The following GALNT17 variants were observed in gnomAD, a reference collection of about 807,000 sequenced individuals.
The protein encoded by GALNT17 is UDP-GalNAc:polypeptide N-acetylgalactosaminyltransferase-like 3.
GALNT17 carries 29 observed loss-of-function variants against 63.7 expected under a neutral mutation model. That is an observed-to-expected ratio of 0.46 (90% CI 0.34 to 0.62). GALNT17 has a LOEUF of 0.62. Ranked by LOEUF, GALNT17 falls within the 20% of genes least tolerant of loss-of-function variation. The pLI is 0.01. For missense variants in GALNT17, 603 were observed against 799.6 expected (o/e 0.75, Z 2.97); for synonymous variants, 305 against 318.3 (o/e 0.96, Z 0.45).
intron 6 of GALNT17, among the ~76,000 whole-genome samples, chr7:71,641,798 C>T (rs946735822): frequency 4.6e-5 from 7 of 152,114 alleles, no homozygotes; most frequent in Middle Eastern, 6.8e-3. Context: ...TGCAAAGTGT[C>T]CAACACACAG....
At chr7:71,704,488 CTT>C (rs34146294) in intron 9 of GALNT17, among the ~76,000 whole-genome samples, 10 of 141,386 alleles carry the variant, frequency 7.1e-5, no homozygotes, top group Admixed American at 1.4e-4. Flanking sequence ...TGCCAACTGC[CTT>C]TTTTTTTTTT....
intron 3 of GALNT17, among the ~76,000 whole-genome samples, chr7:71,413,395 C>T (rs1197483725): frequency 2.0e-5 from 3 of 151,628 alleles, no homozygotes; most frequent in Non-Finnish European, 2.9e-5. Flanking sequence ...GGCAGAGTTT[C>T]GCCCTTGTTT....
intron 3 of GALNT17, among the ~76,000 whole-genome samples, chr7:71,401,874 G>A (rs1046417521): frequency 6.6e-6 from 1 of 152,196 alleles, no homozygotes; most frequent in African/African-American, 2.4e-5. Flanking sequence ...TAGAAGTAAA[G>A]TGCACAATAA....
intron 1 of GALNT17, among the ~76,000 whole-genome samples, chr7:71,309,045 A>G (rs1791364340): frequency 2.6e-5 from 4 of 151,902 alleles, no homozygotes; most frequent in Admixed American, 6.6e-5. Flanking sequence ...CGCCCAGCTC[A>G]TTTCTTTTTA....
chr7:71,593,976 G>C (rs566817213), intron 6 of GALNT17, among the ~76,000 whole-genome samples: 2 of 152,186 alleles, frequency 1.3e-5, no homozygotes, highest in East Asian at 1.9e-4. Context: ...CCATTCTCCA[G>C]ATGTAAGAGG....
intron 1 of GALNT17, among the ~76,000 whole-genome samples, chr7:71,252,738 GA>G (rs1316024848): frequency 6.6e-6 from 1 of 152,104 alleles, no homozygotes; most frequent in Non-Finnish European, 1.5e-5. Flanking sequence ...TGCCAAAGGG[GA>G]AAGTCAAGCT....
intron 1 of GALNT17, among the ~76,000 whole-genome samples, chr7:71,149,707 G>A (rs1179076849): frequency 6.6e-6 from 1 of 152,204 alleles, no homozygotes; most frequent in African/African-American, 2.4e-5. Context: ...GCTTATATTT[G>A]CAAGGAAATT....
intron 6 of GALNT17, among the ~76,000 whole-genome samples, chr7:71,573,361 T>C (rs10281757): frequency 0.12 from 18,734 of 151,804 alleles, 1,958 homozygotes; most frequent in African/African-American, 0.29. Flanking sequence ...GAAGTAGTCT[T>C]GCTCTGTCGC....
At chr7:71,600,681 T>G (rs769939322) in intron 6 of GALNT17, among the ~76,000 whole-genome samples, 3 of 152,200 alleles carry the variant, frequency 2.0e-5, no homozygotes, top group Non-Finnish European at 4.4e-5. Context: ...CCTGGAGGAA[T>G]GGGACCTAAA....
At chr7:71,342,678 A>C (rs1287296502) in intron 2 of GALNT17, among the ~76,000 whole-genome samples, 2 of 152,226 alleles carry the variant, frequency 1.3e-5, no homozygotes, top group African/African-American at 4.8e-5. Context: ...TATTGGAAGA[A>C]GGAGGAGGCA....
At chr7:71,298,696 C>T (rs999555939) in intron 1 of GALNT17, among the ~76,000 whole-genome samples, 1 of 136,054 alleles carries the variant, frequency 7.4e-6, no homozygotes, top group Non-Finnish European at 1.5e-5. Context: ...TTGTGCACGA[C>T]TTTTATTCCA....
At position 71,181,267 on chromosome 7, in the gene GALNT17, A is replaced by AT. The variant is rs1554336121; in HGVS notation, c.238+48227_238+48228insT. 9.3e-4 allele frequency among the ~76,000 whole-genome samples: 141 copies of AT among 151,548 alleles called. 3 individuals are homozygous for AT. The highest frequency in any genetic ancestry group is 3.1e-3 in the African/African-American group (128 of 41,046). ...AAGACTCGTCTTAAAAAAAAAAAAA[A>AT]AGTAATGGCTTAAAACCGCAATTAT... On this transcript the variant is annotated intron_variant, in intron 1 of 10. Transcript: ENST00000333538.
rs1792127431 is a variant in GALNT17 at position 71,348,138 on chromosome 7, G to A, written c.422+12405G>A. Among the ~76,000 whole-genome samples the A allele has an allele frequency of 2.0e-5, 3 of 152,106 alleles. No homozygotes were observed. In the South Asian group the frequency reaches 6.2e-4, roughly 32 times the overall value. ...TAGCTGAGCGTGGTGGTGGGTGCCT[G>A]TAATCTCAGATACTCAGGGGGCTGA... On this transcript the variant is annotated intron_variant, in intron 2 of 10. Transcript: ENST00000333538.
intron 5 of GALNT17, among the ~76,000 whole-genome samples, chr7:71,543,175 G>A (rs1276877771): frequency 2.0e-5 from 3 of 152,050 alleles, no homozygotes; most frequent in Non-Finnish European, 4.4e-5. Context: ...TGCCCTGCCT[G>A]TGAAATTGAC....
intron 6 of GALNT17, among the ~76,000 whole-genome samples, chr7:71,593,451 A>G (rs1253989864): frequency 6.6e-6 from 1 of 151,922 alleles, no homozygotes; most frequent in Non-Finnish European, 1.5e-5. Context: ...TTTTTGGTAG[A>G]GACAGGGTTT....
chr7:71,481,887 C>T (rs911285035), intron 5 of GALNT17, among the ~76,000 whole-genome samples: 1 of 152,094 alleles, frequency 6.6e-6, no homozygotes, highest in Non-Finnish European at 1.5e-5. Context: ...AGGTTATAGC[C>T]GTCATTTCCC....
chr7:71,450,210 AC>A (rs1787235282), intron 5 of GALNT17, among the ~76,000 whole-genome samples: 1 of 147,734 alleles, frequency 6.8e-6, no homozygotes, highest in South Asian at 2.2e-4. Flanking sequence ...ATCTCGGCTC[AC>A]CGCAAACTCT....
At chr7:71,384,081 C>T (rs556836913) in intron 2 of GALNT17, among the ~76,000 whole-genome samples, 3 of 152,230 alleles carry the variant, frequency 2.0e-5, no homozygotes, top group East Asian at 1.9e-4. Context: ...TCAATTTCTC[C>T]GCATCCTCTT....
chr7:71,362,248 G>A lies in GALNT17; in HGVS notation c.423-25987G>A, dbSNP rs1227795618. 4.6e-5 allele frequency among the ~76,000 whole-genome samples: 7 copies of A among 152,254 alleles called. No homozygotes were observed. The South Asian group carries it at 6.2e-4, about 14-fold the overall frequency. On this transcript the variant is annotated intron_variant, in intron 2 of 10. Coordinates refer to ENST00000333538, the MANE Select transcript of GALNT17 (RefSeq NM_022479.3). ...GTTGGGATTATAGGCGTGAGCCACC[G>A]CGCCCGGCTTTGTATGAGATTTTGT...
Sources: allele counts gnomAD v4.1 joint callset (sites outside exome capture counted in the v4.1 genomes callset), GRCh38; gene constraint gnomAD v4.1.1; transcripts MANE v1.5; gene names NCBI Gene and HGNC (gene_info 2026-07-23, HGNC 2026-07-21).